Variants in KSR2 observed in about 807,000 individuals in gnomAD.
KSR2 encodes kinase suppressor of ras 2.
In KSR2, 25 loss-of-function variants were observed where a neutral mutation model predicts 107.8. That is an observed-to-expected ratio of 0.23 (90% CI 0.17 to 0.32). The LOEUF (loss-of-function observed/expected upper bound fraction) is 0.32. Ranked by LOEUF, KSR2 falls within the 10% of genes least tolerant of loss-of-function variation. The pLI is 1.00. For synonymous variants in KSR2, 480 were observed against 507.0 expected (o/e 0.95, Z 0.71); for missense variants, 887 against 1,268.9 (o/e 0.70, Z 4.57).
intron 3 of KSR2, among the ~76,000 whole-genome samples, chr12:117,853,488 G>A (rs775263605): frequency 1.3e-5 from 2 of 151,994 alleles, no homozygotes; most frequent in Admixed American, 6.5e-5. Flanking sequence ...GACTACAGGC[G>A]CATGCCACCA....
intron 3 of KSR2, among the ~76,000 whole-genome samples, chr12:117,820,234 C>A (rs1476379177): frequency 6.6e-6 from 1 of 152,122 alleles, no homozygotes; most frequent in East Asian, 1.9e-4. Context: ...TGACCTTGGA[C>A]CCCCTGAAGA....
At chr12:117,493,433 T>C (rs565245319) in intron 14 of KSR2, among the ~76,000 whole-genome samples, 1 of 152,272 alleles carries the variant, frequency 6.6e-6, no homozygotes, top group South Asian at 2.1e-4. Context: ...TGACTCTCCC[T>C]GTCATTCACG....
intron 4 of KSR2, among the ~76,000 whole-genome samples, chr12:117,739,752 C>T (rs564133776): frequency 1.6e-4 from 24 of 152,192 alleles, no homozygotes; most frequent in African/African-American, 5.5e-4. Flanking sequence ...GGACAGGTTG[C>T]TAGAGACAGG....
intron 9 of KSR2, among the ~76,000 whole-genome samples, chr12:117,544,053 G>T (rs1876682158): frequency 6.6e-6 from 1 of 152,140 alleles, no homozygotes; most frequent in Non-Finnish European, 1.5e-5. Context: ...GATTATATCT[G>T]CAAAGTTCCT....
At chr12:117,718,261 C>T (rs1039338891) in intron 4 of KSR2, among the ~76,000 whole-genome samples, 13 of 152,192 alleles carry the variant, frequency 8.5e-5, no homozygotes, top group Non-Finnish European at 1.8e-4. Context: ...AGAAGCTCTT[C>T]TAAAGTTTGG....
At chr12:117,837,842 C>G (rs76308932) in intron 3 of KSR2, among the ~76,000 whole-genome samples, 6 of 152,156 alleles carry the variant, frequency 3.9e-5, no homozygotes, top group Admixed American at 3.9e-4. Context: ...AGGGAAGTAC[C>G]GTCTCCCACC....
At chr12:117,843,016 C>T (rs1423422413) in intron 3 of KSR2, among the ~76,000 whole-genome samples, 1 of 135,196 alleles carries the variant, frequency 7.4e-6, no homozygotes, top group Non-Finnish European at 1.6e-5. Context: ...GGGAGGGAAG[C>T]TGACTTTAAA....
chr12:117,467,252 A>G (rs772998318), intron 19 of KSR2, 47 bp from the exon 20 acceptor site: 1 of 701,542 alleles, frequency 1.4e-6, no homozygotes, highest in Non-Finnish European at 2.6e-6. Flanking sequence ...TCACAAGGAC[A>G]TGATGATGTC....
chr12:117,558,711 T>G, intron 7 of KSR2, 138 bp from the exon 8 acceptor site: 2 of 626,878 alleles, frequency 3.2e-6, no homozygotes, highest in South Asian at 3.5e-5. Context: ...GGATGGGGGA[T>G]AGATGGGTGA....
At chr12:117,768,763 A>ATTTATTGAAT (rs1322181196) in intron 3 of KSR2, among the ~76,000 whole-genome samples, 3 of 152,230 alleles carry the variant, frequency 2.0e-5, no homozygotes, top group Admixed American at 6.5e-5. Context: ...GAATTTACAC[A>ATTTATTGAAT]TAAAAAGTTA....
At chr12:117,706,304 A>G (rs1010146415) in intron 4 of KSR2, among the ~76,000 whole-genome samples, 48 of 152,094 alleles carry the variant, frequency 3.2e-4, no homozygotes, top group African/African-American at 1.1e-3. Context: ...TCGGCCTCCC[A>G]AAGTGTTAGG....
chr12:117,647,186 A>T (rs954945141), intron 5 of KSR2, among the ~76,000 whole-genome samples: 3 of 151,926 alleles, frequency 2.0e-5, no homozygotes, highest in African/African-American at 7.3e-5. Context: ...GGAGGGTTTT[A>T]CTCTCCCTGT....
At chr12:117,505,283 T>C (rs373706156) in intron 14 of KSR2, among the ~76,000 whole-genome samples, 3 of 152,198 alleles carry the variant, frequency 2.0e-5, no homozygotes, top group East Asian at 3.9e-4. Context: ...TTGAGCACAC[T>C]GAAGGTGGGT....
At position 117,874,884 on chromosome 12, in the gene KSR2, T is replaced by C. The variant is rs12830603; in HGVS notation, c.181-14453A>G. On this transcript the variant is annotated intron_variant, in intron 1 of 19. Transcript: ENST00000339824. ...ACACAGGACTTTTGGAAATAGCACA[T>C]CTAAGCCGAGCCCACCGTCTGACTC... Among the ~76,000 whole-genome samples the C allele has an allele frequency of 3.5e-3, 531 of 151,766 alleles. 3 individuals carry two copies. Among genetic ancestry groups the C allele is most frequent in the Non-Finnish European group, 6.4e-3 (436 of 67,960 alleles).
chr12:117,682,567 A>ATG (rs1565959199), intron 4 of KSR2, among the ~76,000 whole-genome samples: 6 of 151,630 alleles, frequency 4.0e-5, no homozygotes, highest in Non-Finnish European at 8.8e-5. Flanking sequence ...ACAGGTGCGC[A>ATG]CCACCACACC....
chr12:117,890,077 C>G (rs1005127209), intron 1 of KSR2, among the ~76,000 whole-genome samples: 1 of 152,218 alleles, frequency 6.6e-6, no homozygotes, highest in African/African-American at 2.4e-5. Flanking sequence ...GGGGAACCAT[C>G]CAACTTTGCG....
At chr12:117,668,171 T>C (rs1884746302) in intron 4 of KSR2, among the ~76,000 whole-genome samples, 1 of 152,222 alleles carries the variant, frequency 6.6e-6, no homozygotes, top group African/African-American at 2.4e-5. Flanking sequence ...AATCAGTGCA[T>C]TTCTGTAGAT....
At chr12:117,492,833 CA>C (rs1435301372) in intron 14 of KSR2, among the ~76,000 whole-genome samples, 1 of 152,020 alleles carries the variant, frequency 6.6e-6, no homozygotes, top group African/African-American at 2.4e-5. Context: ...GGACTCAACC[CA>C]CCATCGCTGA....
chr12:117,547,264 C>T (rs1166401686), intron 9 of KSR2, among the ~76,000 whole-genome samples: 1 of 152,184 alleles, frequency 6.6e-6, no homozygotes, highest in Non-Finnish European at 1.5e-5. Flanking sequence ...CTCATTATTG[C>T]TGGGCAGAGG....
Sources: allele counts gnomAD v4.1 joint callset (sites outside exome capture counted in the v4.1 genomes callset), GRCh38; gene constraint gnomAD v4.1.1; transcripts MANE v1.5; gene names NCBI Gene and HGNC (gene_info 2026-07-23, HGNC 2026-07-21).